The following TMEM131 variants were observed in gnomAD, a reference collection of about 807,000 sequenced individuals.
TMEM131 encodes the protein 2610524E03Rik.
TMEM131 carries 66 observed loss-of-function variants against 211.6 expected under a neutral mutation model. That is an observed-to-expected ratio of 0.31 (90% CI 0.26 to 0.38). The LOEUF is 0.38. Among genes scored for constraint, TMEM131 ranks in the 10% least tolerant of loss-of-function variants. The pLI, the probability that TMEM131 is intolerant of heterozygous loss-of-function variation, is 1.00. For missense variants in TMEM131, 2,036 were observed against 2,299.3 expected (o/e 0.89, Z 2.34); for synonymous variants, 844 against 841.3 (o/e 1.00, Z -0.06).
At chr2:97,757,728 G>C (rs1216787845) in intron 40 of TMEM131, among the ~76,000 whole-genome samples, 1 of 152,172 alleles carries the variant, frequency 6.6e-6, no homozygotes, top group Non-Finnish European at 1.5e-5. Context: ...AAGACAGCTT[G>C]TGGACCAAAT....
chr2:97,954,045 G>A (rs951242704), intron 1 of TMEM131, among the ~76,000 whole-genome samples: 13 of 152,124 alleles, frequency 8.5e-5, no homozygotes, highest in African/African-American at 2.4e-4. Flanking sequence ...TCACAGTGAC[G>A]CTTATATTAG....
chr2:97,949,628 A>G (rs1678204816), intron 1 of TMEM131, among the ~76,000 whole-genome samples: 1 of 151,868 alleles, frequency 6.6e-6, no homozygotes, highest in African/African-American at 2.4e-5. Flanking sequence ...CCTGGCTAAC[A>G]TGGTGAAACC....
chr2:97,985,726 C>T (rs1360079815), intron 1 of TMEM131, among the ~76,000 whole-genome samples: 3 of 150,978 alleles, frequency 2.0e-5, no homozygotes, highest in Admixed American at 2.0e-4. Flanking sequence ...GAAATAGATC[C>T]CAGTACATAA....
At chr2:97,758,782 A>AT (rs765935592) in intron 40 of TMEM131, 111 bp downstream of exon 40, 22 of 1,395,066 alleles carry the variant, frequency 1.6e-5, no homozygotes, top group Non-Finnish European at 2.1e-5. Context: ...CACCCCTCTG[A>AT]TGCTGCTGTT....
At chr2:97,911,273 T>C (rs1297456639) in intron 2 of TMEM131, among the ~76,000 whole-genome samples, 1 of 152,280 alleles carries the variant, frequency 6.6e-6, no homozygotes, top group African/African-American at 2.4e-5. Flanking sequence ...GAAAGCAGAC[T>C]GGTGGTTGCC....
In TMEM131 at chr2:97,837,066, T is replaced by G. The variant is rs1346691222; in HGVS notation, c.804+11A>C. ...GGAGCACACACAAGAGAAAACTAGG[T>G]TACAACTCACCCACAGTTTTCTGGT... is the stretch of plus-strand genomic sequence containing the variant. On this transcript the variant is annotated intron_variant, in intron 8 of 40. Coordinates refer to ENST00000186436, the MANE Select transcript of TMEM131 (RefSeq NM_015348.2). The G allele has an allele frequency of 6.2e-7, 1 of 1,611,766 alleles. No homozygotes were observed. The highest frequency in any genetic ancestry group is 8.5e-7 in the Non-Finnish European group (1 of 1,178,346).
intron 2 of TMEM131, among the ~76,000 whole-genome samples, chr2:97,911,877 A>AT (rs1676306109): frequency 6.6e-6 from 1 of 152,200 alleles, no homozygotes; most frequent in Non-Finnish European, 1.5e-5. Context: ...AGGCATAAAC[A>AT]TATCTTAAAA....
intron 1 of TMEM131, among the ~76,000 whole-genome samples, chr2:97,990,962 T>A (rs1038598100): frequency 5.3e-5 from 8 of 152,318 alleles, no homozygotes; most frequent in Middle Eastern, 3.4e-3. Context: ...TGCCAATTGA[T>A]AGAACATGTG....
chr2:97,864,815 G>A (rs968930800), intron 4 of TMEM131, among the ~76,000 whole-genome samples: 3 of 152,264 alleles, frequency 2.0e-5, no homozygotes, highest in East Asian at 1.9e-4. Flanking sequence ...GAAGGCTTCC[G>A]AACTTTATTA....
At chr2:97,772,542 A>G in intron 32 of TMEM131, 118 bp from the exon 33 acceptor site, 1 of 1,174,520 alleles carries the variant, frequency 8.5e-7, no homozygotes, top group African/African-American at 1.6e-5. Context: ...ATATACGTAA[A>G]AACAAACTCG....
chr2:97,875,232 T>A lies in TMEM131; in HGVS notation c.359+12820A>T, dbSNP rs956844658. ...TTCATAAAGCAAGTTCTTAGAGACCTACAAAGAGACTTAAACTCCCACACA... is the reference window on the plus strand; with the variant it reads ...TTCATAAAGCAAGTTCTTAGAGACCAACAAAGAGACTTAAACTCCCACACA... On this transcript the variant is annotated intron_variant, in intron 4 of 40. Transcript: ENST00000186436. Among the ~76,000 whole-genome samples, 4 of 152,174 alleles carry A rather than the reference T, an allele frequency of 2.6e-5. No individual in the cohort carries two copies. In the East Asian group the frequency reaches 7.7e-4, roughly 29 times the overall value.
At chr2:97,808,524 C>T (rs1212814017) in intron 19 of TMEM131, among the ~76,000 whole-genome samples, 1 of 152,182 alleles carries the variant, frequency 6.6e-6, no homozygotes, top group African/African-American at 2.4e-5. Flanking sequence ...ACCCTCCTCC[C>T]CATACTTGTT....
chr2:97,783,102 A>G (rs1680092290), intron 31 of TMEM131, among the ~76,000 whole-genome samples: 1 of 152,184 alleles, frequency 6.6e-6, no homozygotes, highest in Admixed American at 6.5e-5. Flanking sequence ...CACATTATCT[A>G]TAAGGAAAAT....
chr2:97,964,604 A>G (rs1223137345), intron 1 of TMEM131, among the ~76,000 whole-genome samples: 1 of 152,244 alleles, frequency 6.6e-6, no homozygotes, highest in South Asian at 2.1e-4. Flanking sequence ...TTCTACTGCA[A>G]TCAAGATTTT....
intron 4 of TMEM131, among the ~76,000 whole-genome samples, chr2:97,870,872 G>A (rs968556509): frequency 6.6e-6 from 1 of 152,224 alleles, no homozygotes; most frequent in African/African-American, 2.4e-5. Context: ...CTGAGCTGGG[G>A]AGTTGATGTA....
intron 1 of TMEM131, among the ~76,000 whole-genome samples, chr2:97,954,806 C>CAAAAAAA (rs778680522): frequency 2.2e-4 from 8 of 37,000 alleles, no homozygotes; most frequent in African/African-American, 4.9e-4. Context: ...AACTCCATCT[C>CAAAAAAA]AAAAAAAAAA....
intron 34 of TMEM131, 31 bp downstream of exon 34, chr2:97,766,447 G>C (rs1290321507): frequency 6.2e-7 from 1 of 1,613,616 alleles, no homozygotes; most frequent in Non-Finnish European, 8.5e-7. Context: ...AGATCCGTAA[G>C]ACATGATCAT....
Position 97,794,999 on chromosome 2 carries a change from G to A in TMEM131, c.3317C>T (p.Thr1106Ile). 1 of 1,613,418 alleles carries A rather than the reference G, an allele frequency of 6.2e-7. No individual in the cohort carries two copies. Among genetic ancestry groups the A allele is most frequent in the Non-Finnish European group, 8.5e-7 (1 of 1,179,580 alleles). Residue 1106 changes from threonine to isoleucine, a missense_variant, in exon 29 of 41, where the codon ACC (threonine) becomes ATC (isoleucine). Around this residue, in one of 3 missense-constraint regions of TMEM131, gnomAD observed 1,623 missense variants for 1,805.9 expected, o/e 0.90. Coordinates refer to ENST00000186436, the MANE Select transcript of TMEM131 (RefSeq NM_015348.2). The stretch of plus-strand genomic sequence containing the variant: ...AGGTCTGGGTAGGGCTTCTGCACAG[G>A]TTGCTAACATATGGTAAGGAAGGGA... ...NASLPYHMLA[T>I]CAEALPRPNW...
At chr2:97,980,441 A>T (rs1176707283) in intron 1 of TMEM131, among the ~76,000 whole-genome samples, 2 of 152,228 alleles carry the variant, frequency 1.3e-5, no homozygotes, top group Non-Finnish European at 2.9e-5. Flanking sequence ...ACTGGCAAGC[A>T]TATGGAGGAA....
Sources: gnomAD v4.1 joint callset for allele counts (sites outside exome capture counted in the v4.1 genomes callset) on GRCh38, gnomAD v4.1.1 for gene constraint, gnomAD v4.1.1 regional missense constraint, MANE v1.5 for transcripts, NCBI Gene and HGNC (gene_info 2026-07-23, HGNC 2026-07-21) for gene names.